Variants in AP3B1 observed in about 807,000 individuals in gnomAD.
AP3B1 encodes the protein adaptor related protein complex 3 subunit beta 1.
Under a neutral mutation model 132.5 loss-of-function variants are expected in AP3B1, and 61 were observed. That is an observed-to-expected ratio of 0.46 (90% confidence interval 0.37 to 0.57). The LOEUF (loss-of-function observed/expected upper bound fraction) is 0.57, where lower values mean the gene tolerates loss of function less well. AP3B1 is among the 20% of genes least tolerant of loss of function. The pLI, the probability that AP3B1 is intolerant of heterozygous loss-of-function variation, is 0.00. For synonymous variants in AP3B1, 388 were observed against 438.3 expected (o/e 0.89, Z 1.43); for missense variants, 1,120 against 1,289.4 (o/e 0.87, Z 2.01).
chr5:78,195,778 C>G (rs1745057566), intron 7 of AP3B1, among the ~76,000 whole-genome samples: 1 of 152,058 alleles, frequency 6.6e-6, no homozygotes, highest in Non-Finnish European at 1.5e-5. Context: ...TGAGATCATG[C>G]CACTGCACTC....
intron 14 of AP3B1, among the ~76,000 whole-genome samples, chr5:78,150,291 T>C (rs1027811545): frequency 6.6e-6 from 1 of 151,546 alleles, no homozygotes; most frequent in Admixed American, 6.6e-5. Context: ...AAGAGAAAAA[T>C]CACAGAAGCC....
At chr5:78,056,550 C>T (rs753085927) in intron 22 of AP3B1, among the ~76,000 whole-genome samples, 1 of 152,160 alleles carries the variant, frequency 6.6e-6, no homozygotes, top group Non-Finnish European at 1.5e-5. Context: ...AACAACATTG[C>T]TGTATTTATT....
intron 11 of AP3B1, 97 bp from the exon 12 acceptor site, chr5:78,165,769 T>C: frequency 1.1e-6 from 1 of 930,746 alleles, no homozygotes; most frequent in Non-Finnish European, 1.7e-6. Flanking sequence ...TATTTCTACT[T>C]TTAAAAATCA....
chr5:78,018,109 G>A (rs911848216), intron 25 of AP3B1, among the ~76,000 whole-genome samples: 7 of 151,902 alleles, frequency 4.6e-5, no homozygotes, highest in Non-Finnish European at 1.0e-4. Flanking sequence ...TTAAAACTGC[G>A]TGAAGAAACC....
chr5:78,016,303 G>A (rs1004258453), intron 25 of AP3B1, among the ~76,000 whole-genome samples: 1 of 151,994 alleles, frequency 6.6e-6, no homozygotes, highest in African/African-American at 2.4e-5. Flanking sequence ...CAGAGTTAAT[G>A]CAAGACATGC....
At chr5:78,126,101 G>A (rs561589979) in intron 17 of AP3B1, among the ~76,000 whole-genome samples, 4 of 150,442 alleles carry the variant, frequency 2.7e-5, no homozygotes, top group African/African-American at 2.4e-5. Context: ...AAAAAAAAAC[G>A]AACCATAAAA....
chr5:78,116,079 G>A (rs1485259263), intron 18 of AP3B1, 47 bp downstream of exon 18: 2 of 1,352,656 alleles, frequency 1.5e-6, no homozygotes, highest in African/African-American at 2.9e-5. Context: ...GATATAGAAT[G>A]TAATCTACTA....
chr5:78,077,198 G>C (rs1303853944), intron 22 of AP3B1, among the ~76,000 whole-genome samples: 2 of 152,130 alleles, frequency 1.3e-5, no homozygotes, highest in Non-Finnish European at 2.9e-5. Context: ...ATTTTGAAAT[G>C]ATCACTTTTC....
At chr5:78,127,977 T>G in intron 17 of AP3B1, 53 bp downstream of exon 17, 2 of 1,598,676 alleles carry the variant, frequency 1.3e-6, no homozygotes, top group Non-Finnish European at 1.7e-6. Flanking sequence ...ACAATAGCTA[T>G]CCTAGAGTCT....
At chr5:78,215,402 C>A in intron 7 of AP3B1, among the ~76,000 whole-genome samples, 1 of 151,520 alleles carries the variant, frequency 6.6e-6, no homozygotes, top group South Asian at 2.1e-4. Flanking sequence ...ATAAAATTTT[C>A]TAAATTGTCA....
chr5:78,009,639 A>G (rs1167935749), intron 26 of AP3B1, among the ~76,000 whole-genome samples: 2 of 152,190 alleles, frequency 1.3e-5, no homozygotes, highest in Admixed American at 6.5e-5. Flanking sequence ...CCTAATAGTT[A>G]AGGACCTAGT....
chr5:78,255,600 A>G (rs1374055068), intron 2 of AP3B1, among the ~76,000 whole-genome samples: 1 of 152,118 alleles, frequency 6.6e-6, no homozygotes, highest in Non-Finnish European at 1.5e-5. Context: ...TATAAAGCAA[A>G]TATTATTAGA....
chr5:78,181,247 A>G (rs1157188897), intron 8 of AP3B1, among the ~76,000 whole-genome samples: 1 of 152,126 alleles, frequency 6.6e-6, no homozygotes, highest in East Asian at 1.9e-4. Flanking sequence ...CAAACCAGGT[A>G]TTGTCATCAA....
intron 1 of AP3B1, among the ~76,000 whole-genome samples, chr5:78,281,260 C>A (rs1749039145): frequency 1.3e-5 from 2 of 151,950 alleles, no homozygotes; most frequent in Admixed American, 1.3e-4. Flanking sequence ...CATGGCAAAA[C>A]CCTATCTCTA....
intron 22 of AP3B1, among the ~76,000 whole-genome samples, chr5:78,063,955 G>A (rs1248262160): frequency 2.0e-5 from 3 of 151,812 alleles, no homozygotes; most frequent in African/African-American, 7.3e-5. Flanking sequence ...TGGAAAAGGA[G>A]TTTTAGGAAT....
intron 1 of AP3B1, among the ~76,000 whole-genome samples, chr5:78,269,983 C>A (rs10037175): frequency 3.1e-4 from 47 of 151,958 alleles, no homozygotes; most frequent in African/African-American, 1.1e-3. Flanking sequence ...GTGTGATCTC[C>A]GCTCACGCAA....
At chr5:78,163,054 T>C in intron 12 of AP3B1, 103 bp from the exon 13 acceptor site, 4 of 1,113,090 alleles carry the variant, frequency 3.6e-6, no homozygotes, top group Non-Finnish European at 5.4e-6. Context: ...CCAGAATACA[T>C]AAACTTCTCA....
chr5:78,265,597 T>G (rs1455416551), intron 2 of AP3B1, among the ~76,000 whole-genome samples: 2 of 152,224 alleles, frequency 1.3e-5, no homozygotes, highest in African/African-American at 4.8e-5. Flanking sequence ...TGGATCAGCT[T>G]CCAACATTTT....
At chr5:78,264,899 T>C (rs1485561831) in intron 2 of AP3B1, among the ~76,000 whole-genome samples, 1 of 152,254 alleles carries the variant, frequency 6.6e-6, no homozygotes, top group Non-Finnish European at 1.5e-5. Context: ...GGTTTCTGCT[T>C]GCATTCCTGC....
Sources: gnomAD v4.1 joint callset for allele counts (sites outside exome capture counted in the v4.1 genomes callset) on GRCh38, gnomAD v4.1.1 for gene constraint, MANE v1.5 for transcripts, NCBI Gene and HGNC (gene_info 2026-07-23, HGNC 2026-07-21) for gene names.